Variants in LONP2 observed in about 807,000 individuals in gnomAD.
LONP2 encodes the protein lon protease homolog 2, peroxisomal.
Under a neutral mutation model 85.6 loss-of-function variants are expected in LONP2, and 60 were observed. The ratio of observed to expected loss-of-function variants is 0.70; its 90% CI spans 0.57 to 0.87. The LOEUF (loss-of-function observed/expected upper bound fraction) is 0.87, where lower values mean the gene tolerates loss of function less well. Ranked by LOEUF, LONP2 falls within the 40% of genes least tolerant of loss-of-function variation. The pLI, the probability that LONP2 is intolerant of heterozygous loss-of-function variation, is 0.00. For missense variants in LONP2, 860 were observed against 1,063.5 expected (o/e 0.81, Z 2.66); for synonymous variants, 395 against 389.7 (o/e 1.01, Z -0.16).
At chr16:48,295,349 G>T (rs1366134513) in intron 8 of LONP2, among the ~76,000 whole-genome samples, 1 of 152,176 alleles carries the variant, frequency 6.6e-6, no homozygotes, top group Non-Finnish European at 1.5e-5. Flanking sequence ...TCCAACCTGG[G>T]CAACAGAGTA....
rs554571185 is a variant in LONP2, at chr16:48,256,372, C to A, written c.469-238C>A. 3.3e-5 allele frequency among the ~76,000 whole-genome samples: 5 copies of A among 152,228 alleles called. No homozygotes were observed. The South Asian group carries it at 1.0e-3, about 32-fold the overall frequency. On this transcript the variant is annotated intron_variant, in intron 2 of 14. Transcript: ENST00000285737. ...ATAATCATGGCACAGGTTTACAAAA[C>A]CCTTGTAAACATTAGTGTTAACTAC...
At chr16:48,258,303 C>T (rs1162074125) in intron 3 of LONP2, among the ~76,000 whole-genome samples, 3 of 149,846 alleles carry the variant, frequency 2.0e-5, no homozygotes, top group African/African-American at 4.9e-5. Flanking sequence ...GCCAAGATCT[C>T]GCCACTGCAC....
At chr16:48,274,207 T>G (rs1206626034) in intron 7 of LONP2, among the ~76,000 whole-genome samples, 1 of 152,182 alleles carries the variant, frequency 6.6e-6, no homozygotes, top group African/African-American at 2.4e-5. Flanking sequence ...ATTTCACTCT[T>G]CTCTAAACTG....
chr16:48,333,174 G>A (rs923816069), intron 11 of LONP2, among the ~76,000 whole-genome samples: 20 of 151,964 alleles, frequency 1.3e-4, no homozygotes, highest in Admixed American at 1.0e-3. Flanking sequence ...CACAGATTAC[G>A]TAATATTTTT....
chr16:48,339,242 C>A (rs1423629147), intron 12 of LONP2, among the ~76,000 whole-genome samples: 9 of 152,102 alleles, frequency 5.9e-5, no homozygotes, highest in African/African-American at 2.2e-4. Flanking sequence ...GGATGTTGTG[C>A]TGCCATAGAG....
chr16:48,263,802 T>C (rs1971926386), intron 6 of LONP2, among the ~76,000 whole-genome samples: 1 of 152,214 alleles, frequency 6.6e-6, no homozygotes, highest in African/African-American at 2.4e-5. Flanking sequence ...ATGGCTGTTA[T>C]CGGGGGACCT....
intron 12 of LONP2, among the ~76,000 whole-genome samples, chr16:48,339,927 G>A (rs192895794): frequency 5.3e-5 from 8 of 152,248 alleles, no homozygotes; most frequent in Non-Finnish European, 1.2e-4. Context: ...GGGTTTCAGA[G>A]GTAGCATGGT....
chr16:48,292,707 A>G (rs1294889009), intron 8 of LONP2, among the ~76,000 whole-genome samples: 1 of 152,248 alleles, frequency 6.6e-6, no homozygotes, highest in African/African-American at 2.4e-5. Context: ...AACTTTAAAT[A>G]AAGCAAACAC....
intron 8 of LONP2, among the ~76,000 whole-genome samples, chr16:48,294,352 T>C (rs191417860): frequency 1.3e-5 from 2 of 152,350 alleles, no homozygotes; most frequent in East Asian, 1.9e-4. Context: ...TTTAATGATA[T>C]TAAACATTAT....
intron 1 of LONP2, among the ~76,000 whole-genome samples, chr16:48,248,317 G>A (rs1971518734): frequency 6.6e-6 from 1 of 150,678 alleles, no homozygotes; most frequent in South Asian, 2.1e-4. Context: ...GTGGAGACGG[G>A]GTTTTGCCAT....
At chr16:48,359,838 C>T (rs904031156), downstream of LONP2, among the ~76,000 whole-genome samples, 1 of 152,192 alleles carries the variant, frequency 6.6e-6, no homozygotes, top group Non-Finnish European at 1.5e-5. Flanking sequence ...CCAAAATTAT[C>T]CAGAATCAGT....
chr16:48,285,784 T>A (rs962650507), intron 8 of LONP2, among the ~76,000 whole-genome samples: 2 of 152,238 alleles, frequency 1.3e-5, no homozygotes, highest in Non-Finnish European at 2.9e-5. Context: ...TTAGTTTTTT[T>A]AAATGTTAGT....
At chr16:48,248,776 A>G (rs1233097107) in intron 1 of LONP2, among the ~76,000 whole-genome samples, 2 of 151,570 alleles carry the variant, frequency 1.3e-5, no homozygotes, top group Admixed American at 1.3e-4. Context: ...CCATCTACTC[A>G]TGATGCTGAG....
chr16:48,313,093 T>C (rs770352065), intron 11 of LONP2, among the ~76,000 whole-genome samples: 1 of 152,232 alleles, frequency 6.6e-6, no homozygotes, highest in Non-Finnish European at 1.5e-5. Context: ...CCAGCTTTGT[T>C]CTTCTTCAGA....
intron 8 of LONP2, among the ~76,000 whole-genome samples, chr16:48,290,226 T>C (rs1972531876): frequency 2.0e-5 from 3 of 152,150 alleles, no homozygotes; most frequent in Admixed American, 1.3e-4. Context: ...TTTTCTCAAG[T>C]TTGTCTTTAT....
intron 12 of LONP2, 82 bp downstream of exon 12, chr16:48,334,440 C>A: frequency 6.6e-7 from 1 of 1,519,662 alleles, no homozygotes; most frequent in Admixed American, 1.8e-5. Context: ...AGGGCCTGGG[C>A]AGGAGGCTGC....
intron 11 of LONP2, among the ~76,000 whole-genome samples, chr16:48,325,415 A>ATC (rs780614003): frequency 2.6e-5 from 4 of 151,866 alleles, no homozygotes; most frequent in Non-Finnish European, 4.4e-5. Flanking sequence ...CATCCCCACT[A>ATC]TCTCTCCCCT....
rs1960192187 is a variant in LONP2 at position 48,352,808 on chromosome 16, G to C, written c.*1006G>C. 6.6e-6 allele frequency: 1 copy of C among 152,260 alleles called. No homozygotes were observed. The highest frequency in any genetic ancestry group is 2.4e-5 in the African/African-American group (1 of 41,440). The allele number at this position is 152,260 out of a possible 1,614,324, so 9.4% of individuals were successfully genotyped here. On this transcript the variant is annotated 3_prime_UTR_variant, in exon 15 of 15. Coordinates refer to ENST00000285737, the MANE Select transcript of LONP2 (RefSeq NM_031490.5). Reference sequence around the variant, plus strand: ...CCTGGATGCCTGCAACCTCAGAAGAGTGCAGCTCCCAGAGGGAGGCAGCCA... The same window carrying C: ...CCTGGATGCCTGCAACCTCAGAAGACTGCAGCTCCCAGAGGGAGGCAGCCA...
intron 14 of LONP2, 41 bp from the exon 15 acceptor site, chr16:48,351,540 G>C (rs758250981): frequency 6.5e-7 from 1 of 1,533,862 alleles, no homozygotes. Context: ...TTCAGCTTGA[G>C]GGTGATCATT....
Sources: allele counts gnomAD v4.1 joint callset (sites outside exome capture counted in the v4.1 genomes callset), GRCh38; gene constraint gnomAD v4.1.1; transcripts MANE v1.5; gene names NCBI Gene and HGNC (gene_info 2026-07-23, HGNC 2026-07-21).